The following FBXO22 variants were observed in gnomAD, a reference collection of about 807,000 sequenced individuals.
FBXO22 encodes F-box protein 22.
A neutral mutation model predicts 37.2 loss-of-function variants in FBXO22; 13 were observed. The observed-to-expected ratio is 0.35, with a 90% confidence interval of 0.23 to 0.56. The LOEUF (loss-of-function observed/expected upper bound fraction) is 0.56, where lower values mean the gene tolerates loss of function less well. Among genes scored for constraint, FBXO22 ranks in the 20% least tolerant of loss-of-function variants. The pLI is 0.87. For synonymous variants in FBXO22, 189 were observed against 189.1 expected (o/e 1.00, Z 0.00); for missense variants, 446 against 509.9 (o/e 0.87, Z 1.21).
intron 5 of FBXO22, among the ~76,000 whole-genome samples, chr15:75,928,452 G>A (rs1435425023): frequency 6.6e-6 from 1 of 152,082 alleles, no homozygotes; most frequent in Non-Finnish European, 1.5e-5. Context: ...TGGAGCTGGA[G>A]GCCATTATCA....
rs1346135453 is a variant in FBXO22, at chr15:75,934,071, G to A, written c.*969G>A. On this transcript the variant is annotated 3_prime_UTR_variant, in exon 7 of 7. Coordinates refer to ENST00000308275, the MANE Select transcript of FBXO22 (RefSeq NM_147188.3). ...AATGATAGAACCTTTGATTTTTCAAGTGGGTATGCCTCCTAGAATAAAGAC... is the reference window on the plus strand; with the variant it reads ...AATGATAGAACCTTTGATTTTTCAAATGGGTATGCCTCCTAGAATAAAGAC... 6.5e-6 allele frequency: 1 copy of A among 152,672 alleles called. No individual in the cohort carries two copies. The highest frequency in any genetic ancestry group is 1.5e-5 in the Non-Finnish European group (1 of 68,404). The allele number at this position is 152,672 out of a possible 1,614,324, so 9.5% of individuals were successfully genotyped here. A position where few individuals can be genotyped will look rare whatever the true frequency, so the allele number is the denominator to read the frequency against.
At chr15:75,929,808 A>G (rs2029946123) in intron 5 of FBXO22, 76 bp from the exon 6 acceptor site, 3 of 1,577,312 alleles carry the variant, frequency 1.9e-6, no homozygotes, top group Non-Finnish European at 2.6e-6. Flanking sequence ...AGTCAGTAAC[A>G]TTTCATTTTG....
At chr15:75,904,250 G>T (rs1899867468) in intron 1 of FBXO22, 147 bp downstream of exon 1, 2 of 1,228,850 alleles carry the variant, frequency 1.6e-6, no homozygotes, top group Non-Finnish European at 2.2e-6. Context: ...CCCTACCCGC[G>T]AGGTATCTCC....
intron 4 of FBXO22, among the ~76,000 whole-genome samples, chr15:75,914,781 G>T (rs1461875278): frequency 6.6e-6 from 1 of 152,150 alleles, no homozygotes. Context: ...AATGCCGGCT[G>T]TACCGCTTAG....
At chr15:75,913,182 A>ATTTTTTTTT in intron 2 of FBXO22, 21 bp from the exon 3 acceptor site, 2 of 1,178,226 alleles carry the variant, frequency 1.7e-6, no homozygotes, top group African/African-American at 1.6e-5. Context: ...TCCAATTCCA[A>ATTTTTTTTT]TTTTTTTTTT....
At chr15:75,913,436 T>A in intron 3 of FBXO22, 146 bp downstream of exon 3, 1 of 542,700 alleles carries the variant, frequency 1.8e-6, no homozygotes, top group South Asian at 2.5e-5. Flanking sequence ...ATATCTATCT[T>A]TGAACCTTGA....
intron 6 of FBXO22, chr15:75,930,293 T>G: frequency 7.2e-7 from 1 of 1,392,884 alleles, no homozygotes; most frequent in Non-Finnish European, 9.3e-7. Flanking sequence ...CCTTAAAATT[T>G]GACATTGCCT....
chr15:75,935,591 T>C lies in FBXO22; in HGVS notation c.*2489T>C, dbSNP rs1005024946. Reference sequence around the variant, plus strand: ...CTTGAAATTAAGACCTAGAAATAGATCCACCCTTGCAGACTGATAAAAGTG... The same window carrying C: ...CTTGAAATTAAGACCTAGAAATAGACCCACCCTTGCAGACTGATAAAAGTG... On this transcript the variant is annotated 3_prime_UTR_variant, in exon 7 of 7. Coordinates refer to ENST00000308275, the MANE Select transcript of FBXO22 (RefSeq NM_147188.3). 1 of 149,954 alleles carries C rather than the reference T, an allele frequency of 6.7e-6. No individual in the cohort carries two copies. The highest frequency in any genetic ancestry group is 1.5e-5 in the Non-Finnish European group (1 of 67,666). 9.3% of individuals were successfully genotyped at this position (149,954 alleles called of 1,614,324 possible). A position where few individuals can be genotyped will look rare whatever the true frequency, so the allele number is the denominator to read the frequency against.
At position 75,941,604 on chromosome 15, in the gene FBXO22, C is replaced by T. The variant is rs537568509; in HGVS notation, c.*8502C>T. ...ATTATTCAGCCATAAAAAGGAAATC[C>T]TTCTACATACTACATCATGGATGAA... is the stretch of plus-strand genomic sequence containing the variant. On this transcript the variant is annotated 3_prime_UTR_variant, in exon 7 of 7. Coordinates refer to ENST00000308275, the MANE Select transcript of FBXO22 (RefSeq NM_147188.3). 6.6e-6 allele frequency: 1 copy of T among 152,094 alleles called. No homozygotes were observed. Among genetic ancestry groups the T allele is most frequent in the Non-Finnish European group, 1.5e-5 (1 of 68,000 alleles). 9.4% of individuals were successfully genotyped at this position (152,094 alleles called of 1,614,324 possible). A position where few individuals can be genotyped will look rare whatever the true frequency, so the allele number is the denominator to read the frequency against.
chr15:75,929,139 T>C (rs2029914752), intron 5 of FBXO22, among the ~76,000 whole-genome samples: 1 of 152,086 alleles, frequency 6.6e-6, no homozygotes, highest in African/African-American at 2.4e-5. Context: ...TCTTTTTCTC[T>C]TCCTACCGCT....
At chr15:75,913,125 G>T (rs1433523461) in intron 2 of FBXO22, 78 bp from the exon 3 acceptor site, 4 of 895,948 alleles carry the variant, frequency 4.5e-6, no homozygotes, top group Non-Finnish European at 7.2e-6. Context: ...CTATGGACTG[G>T]GTGATACTTC....
intron 4 of FBXO22, among the ~76,000 whole-genome samples, chr15:75,916,253 G>T (rs1354352371): frequency 6.6e-6 from 1 of 152,100 alleles, no homozygotes; most frequent in Admixed American, 6.6e-5. Flanking sequence ...CTGTAGACTT[G>T]TAACCTACTG....
intron 4 of FBXO22, 121 bp from the exon 5 acceptor site, chr15:75,917,109 A>C (rs1351468338): frequency 5.6e-6 from 4 of 715,726 alleles, no homozygotes; most frequent in Non-Finnish European, 9.4e-6. Flanking sequence ...AAAACTGTCA[A>C]AGCTGAAAAA....
At chr15:75,919,835 CAATT>C (rs1373515703) in intron 5 of FBXO22, among the ~76,000 whole-genome samples, 1 of 152,148 alleles carries the variant, frequency 6.6e-6, no homozygotes, top group Non-Finnish European at 1.5e-5. Context: ...CTTGAAGTGA[CAATT>C]AACGATGGCC....
Position 75,911,872 on chromosome 15 carries a change from C to T in FBXO22, c.280-1331C>T, listed in dbSNP as rs539826500. On this transcript the variant is annotated intron_variant, in intron 2 of 6. Coordinates refer to ENST00000308275, the MANE Select transcript of FBXO22 (RefSeq NM_147188.3). ...TCAAAGAGAATGCTTCCAGCTTTTG[C>T]CCATCTAGTATGATACTGGCTGTGG... is the stretch of plus-strand genomic sequence containing the variant. Among the ~76,000 whole-genome samples the T allele has an allele frequency of 3.4e-5, 5 of 148,088 alleles. No individual in the cohort carries two copies. In the Admixed American group the frequency reaches 3.4e-4, roughly 10 times the overall value.
At chr15:75,914,320 A>G (rs1247828190) in intron 4 of FBXO22, 115 bp downstream of exon 4, 8 of 695,100 alleles carry the variant, frequency 1.2e-5, no homozygotes, top group Non-Finnish European at 2.0e-5. Context: ...TCTAAAATAC[A>G]ATAAAGTCAG....
chr15:75,941,089 C>T lies in FBXO22; in HGVS notation c.*7987C>T, dbSNP rs1468973651. 6.6e-6 allele frequency: 1 copy of T among 152,094 alleles called. No homozygotes were observed. Among genetic ancestry groups the T allele is most frequent in the African/African-American group, 2.4e-5 (1 of 41,430 alleles). The allele number at this position is 152,094 out of a possible 1,614,324, so 9.4% of individuals were successfully genotyped here. ...TACATACAAAACTCCCAAAATGCAA[C>T]AACAGTGTAAAAACCTGATTTAAAA... is the stretch of plus-strand genomic sequence containing the variant. On this transcript the variant is annotated 3_prime_UTR_variant, in exon 7 of 7. Transcript: ENST00000308275.
chr15:75,904,260 C>T lies in FBXO22; in HGVS notation c.140+157C>T, dbSNP rs1899867983. 3.4e-6 allele frequency: 4 copies of T among 1,193,252 alleles called. 1 individual carries two copies. In the South Asian group the frequency reaches 4.8e-5, roughly 14 times the overall value. 73.9% of individuals were successfully genotyped at this position (1,193,252 alleles called of 1,614,324 possible). On this transcript the variant is annotated intron_variant, in intron 1 of 6. Transcript: ENST00000308275. The stretch of plus-strand genomic sequence containing the variant: ...TGACCCCCTACCCGCGAGGTATCTC[C>T]CAGCCGTGGTGCCCCGGGGGGACTT...
intron 5 of FBXO22, among the ~76,000 whole-genome samples, chr15:75,922,673 A>G (rs1313276251): frequency 6.6e-6 from 1 of 152,182 alleles, no homozygotes; most frequent in Non-Finnish European, 1.5e-5. Flanking sequence ...AGAAAATGGT[A>G]GCTGTTACTC....
Sources: allele counts gnomAD v4.1 joint callset (sites outside exome capture counted in the v4.1 genomes callset), GRCh38; gene constraint gnomAD v4.1.1; transcripts MANE v1.5; gene names NCBI Gene and HGNC (gene_info 2026-07-23, HGNC 2026-07-21).